NPHP4: variants seen among roughly 807,000 people sequenced by gnomAD.
NPHP4 encodes the protein nephrocystin-4.
A neutral mutation model predicts 155.8 loss-of-function variants in NPHP4; 151 were observed. That is an observed-to-expected ratio of 0.97 (90% CI 0.85 to 1.11). The LOEUF (loss-of-function observed/expected upper bound fraction) is 1.11, where lower values mean the gene tolerates loss of function less well. NPHP4 is among the 50% of genes least tolerant of loss of function. NPHP4 has a pLI of 0.00. For missense variants in NPHP4, 1,956 were observed against 1,925.7 expected, an observed-to-expected ratio of 1.02 and a Z score of -0.29; for synonymous variants, 845 against 816.8, an observed-to-expected ratio of 1.03 and a Z score of -0.59.
chr1:5,922,820 G>A (rs981958813), intron 11 of NPHP4, among the ~76,000 whole-genome samples: 4 of 147,856 alleles, frequency 2.7e-5, no homozygotes, highest in Non-Finnish European at 6.0e-5. Flanking sequence ...TGGCTTAGCC[G>A]GGCACGGTGG....
chr1:5,965,353 C>CGAG (rs1400792202), intron 5 of NPHP4, among the ~76,000 whole-genome samples: 1 of 152,134 alleles, frequency 6.6e-6, no homozygotes, highest in Non-Finnish European at 1.5e-5. Context: ...TCACAGCCTC[C>CGAG]ACTCAGGGCC....
At chr1:5,939,390 G>T (rs1237796752) in intron 9 of NPHP4, among the ~76,000 whole-genome samples, 3 of 152,254 alleles carry the variant, frequency 2.0e-5, no homozygotes, top group Non-Finnish European at 4.4e-5. Flanking sequence ...CCATGGCCTG[G>T]GTTGGGCCGG....
rs191126651 is a variant in NPHP4 at position 5,920,450 on chromosome 1, G to A, written c.1441+7199C>T. Among the ~76,000 whole-genome samples, 364 of 152,282 alleles carry A rather than the reference G, an allele frequency of 2.4e-3. 2 individuals are homozygous for A. The highest frequency in any genetic ancestry group is 4.7e-3 in the Admixed American group (72 of 15,304). ...CAGCTGCTCCTGCCCTGGCGGCCCC[G>A]TGTTAATTGAACCAGTAGTTGAAGG... On this transcript the variant is annotated intron_variant, in intron 11 of 29. Coordinates refer to ENST00000378156, the MANE Select transcript of NPHP4 (RefSeq NM_015102.5).
intron 16 of NPHP4, among the ~76,000 whole-genome samples, chr1:5,901,573 G>A (rs1009133721): frequency 2.6e-5 from 4 of 152,214 alleles, no homozygotes; most frequent in Non-Finnish European, 5.9e-5. Flanking sequence ...TTAATTTGGG[G>A]ACTTTAATTC....
At chr1:5,963,065 T>G (rs567404494) in intron 5 of NPHP4, among the ~76,000 whole-genome samples, 1 of 139,970 alleles carries the variant, frequency 7.1e-6, no homozygotes, top group South Asian at 2.2e-4. Context: ...ATGTTCTGAT[T>G]TCATAAAGAA....
intron 2 of NPHP4, among the ~76,000 whole-genome samples, chr1:5,981,308 T>C (rs2312049): frequency 0.15 from 22,189 of 152,090 alleles, 1,745 homozygotes; most frequent in Non-Finnish European, 0.17. Context: ...ATCCAGTCTA[T>C]TCAAATAAGA....
chr1:5,958,033 GAATA>G (rs1413811818), intron 6 of NPHP4, among the ~76,000 whole-genome samples: 1 of 152,216 alleles, frequency 6.6e-6, no homozygotes, highest in Admixed American at 6.5e-5. Context: ...ATAAATCAGT[GAATA>G]AATGAATGAA....
At chr1:5,930,619 T>C (rs1189738536) in intron 10 of NPHP4, among the ~76,000 whole-genome samples, 1 of 152,246 alleles carries the variant, frequency 6.6e-6, no homozygotes, top group East Asian at 1.9e-4. Context: ...TTCAATTCCA[T>C]TATAATCTGA....
chr1:5,863,254 C>G lies in NPHP4; in HGVS notation c.*11G>C. ...GCTGGGTGCCGCAGGAAGGACGTCA[C>G]CCTCAAGCCCTCACTGGTAGATGAC... On this transcript the variant is annotated 3_prime_UTR_variant, in exon 30 of 30. Coordinates refer to ENST00000378156, the MANE Select transcript of NPHP4 (RefSeq NM_015102.5). The G allele has an allele frequency of 6.2e-7, 1 of 1,614,042 alleles. No homozygotes were observed. Among genetic ancestry groups the G allele is most frequent in the Non-Finnish European group, 8.5e-7 (1 of 1,179,876 alleles).
At chr1:5,942,121 G>C (rs977926186) in intron 9 of NPHP4, among the ~76,000 whole-genome samples, 5 of 152,116 alleles carry the variant, frequency 3.3e-5, no homozygotes, top group Admixed American at 3.3e-4. Context: ...TCTGGATGTG[G>C]GACCCAAGGA....
intron 7 of NPHP4, among the ~76,000 whole-genome samples, chr1:5,951,836 C>T (rs117252976): frequency 6.6e-6 from 1 of 152,324 alleles, no homozygotes; most frequent in East Asian, 1.9e-4. Context: ...GTGACAGGAG[C>T]TCTAGAAACA....
intron 23 of NPHP4, among the ~76,000 whole-genome samples, chr1:5,869,124 C>T (rs1446572031): frequency 7.4e-6 from 1 of 135,688 alleles, no homozygotes; most frequent in Non-Finnish European, 1.6e-5. Context: ...TGCACACACG[C>T]ACAATGCACA....
chr1:5,879,117 G>A (rs1642922073), intron 19 of NPHP4, among the ~76,000 whole-genome samples: 1 of 152,298 alleles, frequency 6.6e-6, no homozygotes, highest in Admixed American at 6.5e-5. Context: ...GGGCCTTGTG[G>A]GATCCTGGAA....
intron 5 of NPHP4, among the ~76,000 whole-genome samples, chr1:5,964,941 A>ATATATTTTTTTTTTTTTTTTT: frequency 5.0e-5 from 3 of 59,428 alleles, no homozygotes; most frequent in African/African-American, 8.5e-5. Flanking sequence ...ATATATATAT[A>ATATATTTTTTTTTTTTTTTTT]TTTTTTTTTT....
chr1:5,897,768 TA>T (rs1294470484), intron 16 of NPHP4, among the ~76,000 whole-genome samples: 2 of 152,200 alleles, frequency 1.3e-5, no homozygotes, highest in African/African-American at 4.8e-5. Context: ...GAAATGGTAC[TA>T]TGAAATTTGT....
intron 3 of NPHP4, among the ~76,000 whole-genome samples, chr1:5,974,737 T>A (rs115036756): frequency 0.021 from 3,156 of 150,794 alleles, 89 homozygotes; most frequent in African/African-American, 0.07. Flanking sequence ...CCTTCTGTGT[T>A]CCAAGTCTCT....
At chr1:5,872,975 C>T (rs958824662) in intron 23 of NPHP4, among the ~76,000 whole-genome samples, 8 of 152,216 alleles carry the variant, frequency 5.3e-5, no homozygotes, top group Non-Finnish European at 1.0e-4. Flanking sequence ...GCAGCCACCA[C>T]GGGAACTGCG....
intron 20 of NPHP4, among the ~76,000 whole-genome samples, chr1:5,875,449 T>C (rs915636337): frequency 2.2e-4 from 34 of 152,184 alleles, no homozygotes; most frequent in African/African-American, 6.8e-4. Context: ...CTCAAAACTA[T>C]GGTGACAGGC....
intron 9 of NPHP4, among the ~76,000 whole-genome samples, chr1:5,934,450 C>T (rs558317722): frequency 2.6e-5 from 4 of 152,056 alleles, no homozygotes; most frequent in East Asian, 1.9e-4. Context: ...GTGTCCCATG[C>T]GCAGGAGAAA....
Sources: gnomAD v4.1 joint callset for allele counts (sites outside exome capture counted in the v4.1 genomes callset) on GRCh38, gnomAD v4.1.1 for gene constraint, MANE v1.5 for transcripts, NCBI Gene and HGNC (gene_info 2026-07-23, HGNC 2026-07-21) for gene names.